C9orf85: variants seen among roughly 807,000 people sequenced by gnomAD.
C9orf85 encodes the protein chromosome 9 open reading frame 85.
A neutral mutation model predicts 14.9 loss-of-function variants in C9orf85; 16 were observed. The observed-to-expected ratio is 1.08, with a 90% CI of 0.73 to 1.63. C9orf85 has a LOEUF of 1.63. C9orf85 is among the 40% of genes most tolerant of loss of function. The pLI is 0.00. For synonymous variants in C9orf85, 45 were observed against 56.8 expected (o/e 0.79, Z 0.93); for missense variants, 172 against 186.1 (o/e 0.92, Z 0.44).
chr9:71,965,097 C>T lies in C9orf85; in HGVS notation c.210-6408C>T, dbSNP rs185200731. ...TCAGCTCGAGCAGTAACAAACAGAC[C>T]AGAAGAGAGTGCAGTTGTAAGATTT... is the stretch of plus-strand genomic sequence containing the variant. On this transcript the variant is annotated intron_variant, in intron 2 of 3. Coordinates refer to ENST00000334731, the MANE Select transcript of C9orf85 (RefSeq NM_182505.5). 1.3e-3 allele frequency among the ~76,000 whole-genome samples: 191 copies of T among 152,228 alleles called. 1 individual carries two copies. The highest frequency in any genetic ancestry group is 1.5e-4 in the Non-Finnish European group (10 of 68,022).
intron 2 of C9orf85, among the ~76,000 whole-genome samples, chr9:71,950,957 A>G (rs1822229134): frequency 6.6e-6 from 1 of 152,148 alleles, no homozygotes; most frequent in Non-Finnish European, 1.5e-5. Context: ...TAATTAGCAA[A>G]TTTCCATTTG....
At chr9:71,935,133 A>G (rs1275469358) in intron 1 of C9orf85, among the ~76,000 whole-genome samples, 1 of 152,170 alleles carries the variant, frequency 6.6e-6, no homozygotes, top group Non-Finnish European at 1.5e-5. Flanking sequence ...GCTGTGGCAA[A>G]ATTGGAACCT....
downstream of C9orf85, among the ~76,000 whole-genome samples, chr9:71,976,390 C>T (rs1822994802): frequency 6.6e-6 from 1 of 152,078 alleles, no homozygotes; most frequent in Admixed American, 6.5e-5. Context: ...TGGCCGGGCA[C>T]GGTGGCTCAT....
At chr9:71,923,487 C>A (rs796896914) in intron 1 of C9orf85, among the ~76,000 whole-genome samples, 5 of 152,228 alleles carry the variant, frequency 3.3e-5, no homozygotes, top group African/African-American at 1.2e-4. Context: ...AGGTTGCTCT[C>A]GAACTCCTGA....
In C9orf85 at chr9:71,979,888, C is replaced by T. The variant is rs368224012; in HGVS notation, c.324-2769C>T. Among the ~76,000 whole-genome samples the T allele has an allele frequency of 1.6e-3, 246 of 152,186 alleles. 1 individual carries two copies. The highest frequency in any genetic ancestry group is 5.8e-3 in the African/African-American group (240 of 41,536). On this transcript the variant is annotated intron_variant, in intron 3 of 3. Transcript: ENST00000377031. The stretch of plus-strand genomic sequence containing the variant: ...ATTACACTGAACTTTTATTCAAATT[C>T]TAAATTTGCATTTTAAATTACAAAT...
intron 1 of C9orf85, among the ~76,000 whole-genome samples, chr9:71,932,626 A>G (rs1828097605): frequency 6.6e-6 from 1 of 152,192 alleles, no homozygotes; most frequent in Non-Finnish European, 1.5e-5. Context: ...AAAAAACAAA[A>G]CAAAAAGAAG....
At chr9:71,957,704 T>C (rs965694632) in intron 2 of C9orf85, among the ~76,000 whole-genome samples, 1 of 152,188 alleles carries the variant, frequency 6.6e-6, no homozygotes, top group Non-Finnish European at 1.5e-5. Context: ...ACTTCAACAG[T>C]AGTCCAGGTC....
intron 1 of C9orf85, among the ~76,000 whole-genome samples, 155 bp from the exon 2 acceptor site, chr9:71,946,851 G>T (rs1363318762): frequency 6.6e-6 from 1 of 151,366 alleles, no homozygotes; most frequent in Non-Finnish European, 1.5e-5. Context: ...AACAAATTGA[G>T]TAATATACAT....
downstream of C9orf85, among the ~76,000 whole-genome samples, chr9:71,977,599 A>G (rs1273160968): frequency 6.6e-6 from 1 of 152,212 alleles, no homozygotes; most frequent in African/African-American, 2.4e-5. Flanking sequence ...ATATTCCATG[A>G]TCCTAAACTT....
intron 2 of C9orf85, among the ~76,000 whole-genome samples, chr9:71,962,149 G>C (rs1822537312): frequency 6.6e-6 from 1 of 152,192 alleles, no homozygotes; most frequent in Non-Finnish European, 1.5e-5. Flanking sequence ...CTGGGCGACA[G>C]AGTGAGACCC....
intron 2 of C9orf85, among the ~76,000 whole-genome samples, chr9:71,952,141 C>T (rs1302494194): frequency 6.6e-6 from 1 of 152,144 alleles, no homozygotes; most frequent in Non-Finnish European, 1.5e-5. Flanking sequence ...AGGTAAGATT[C>T]AAATGCAAAT....
chr9:71,921,966 G>A (rs1827820600), intron 1 of C9orf85, among the ~76,000 whole-genome samples: 1 of 25,456 alleles, frequency 3.9e-5, no homozygotes, highest in Non-Finnish European at 7.0e-5. Context: ...TTTTGAAACA[G>A]AGTCTTGCTC....
At chr9:71,960,322 C>T (rs1441820416) in intron 2 of C9orf85, among the ~76,000 whole-genome samples, 1 of 152,214 alleles carries the variant, frequency 6.6e-6, no homozygotes, top group Non-Finnish European at 1.5e-5. Context: ...CATAAATTAT[C>T]ATTTCTTCAT....
At chr9:71,972,545 C>T (rs1452374703) in intron 3 of C9orf85, 147 bp from the exon 4 acceptor site, 1 of 477,610 alleles carries the variant, frequency 2.1e-6, no homozygotes, top group Non-Finnish European at 3.5e-6. Flanking sequence ...AGGCATGAGC[C>T]ACCACTCCCA....
chr9:71,970,206 C>G (rs1311532687), intron 2 of C9orf85, among the ~76,000 whole-genome samples: 1 of 152,150 alleles, frequency 6.6e-6, no homozygotes, highest in Non-Finnish European at 1.5e-5. Flanking sequence ...CCTCGCCCTC[C>G]CAAAGTGCTG....
chr9:71,971,915 A>T (rs1475260374), intron 3 of C9orf85, among the ~76,000 whole-genome samples: 1 of 149,782 alleles, frequency 6.7e-6, no homozygotes, highest in Non-Finnish European at 1.5e-5. Flanking sequence ...CAGAGGTTGC[A>T]GTAAGCTGAG....
At chr9:71,939,296 A>C (rs1346259337) in intron 1 of C9orf85, among the ~76,000 whole-genome samples, 1 of 151,984 alleles carries the variant, frequency 6.6e-6, no homozygotes, top group East Asian at 1.9e-4. Context: ...ATTCTCCAGC[A>C]CCTGAGAACC....
intron 2 of C9orf85, among the ~76,000 whole-genome samples, chr9:71,961,139 G>A (rs556429382): frequency 6.6e-6 from 1 of 151,768 alleles, no homozygotes; most frequent in East Asian, 2.0e-4. Context: ...CTCAAACTCC[G>A]GACCTCAGGT....
At chr9:71,972,303 A>G (rs1168130890) in intron 3 of C9orf85, among the ~76,000 whole-genome samples, 1 of 151,866 alleles carries the variant, frequency 6.6e-6, no homozygotes, top group African/African-American at 2.4e-5. Flanking sequence ...CTTGTTGTCC[A>G]GGCTAGAGTG....
Sources: gnomAD v4.1 joint callset for allele counts (sites outside exome capture counted in the v4.1 genomes callset) on GRCh38, gnomAD v4.1.1 for gene constraint, MANE v1.5 for transcripts, NCBI Gene and HGNC (gene_info 2026-07-23, HGNC 2026-07-21) for gene names.